ENOX2: variants seen among roughly 807,000 people sequenced by gnomAD.
ENOX2 encodes the protein ecto-NOX disulfide-thiol exchanger 2, also known as APK1 antigen.
ENOX2 carries 36 observed loss-of-function variants against 45.0 expected under a neutral mutation model. The observed-to-expected ratio is 0.80, with a 90% CI of 0.61 to 1.06. The LOEUF is 1.06. ENOX2 is among the 50% of genes least tolerant of loss of function. The probability of loss-of-function intolerance (pLI) is 0.00; values close to 1 mark genes in which losing one functional copy is unlikely to be tolerated. For synonymous variants in ENOX2, 174 were observed against 152.3 expected, an observed-to-expected ratio of 1.14 and a Z score of -1.05; for missense variants, 423 against 462.5, an observed-to-expected ratio of 0.91 and a Z score of 0.78.
At chrX:130,775,059 T>C (rs2039820863) in intron 3 of ENOX2, among the ~76,000 whole-genome samples, 1 of 112,213 alleles carries the variant, frequency 8.9e-6, no homozygotes, top group Non-Finnish European at 1.9e-5. Flanking sequence ...AAAACTTCTC[T>C]GGGCTTTCAC....
intron 2 of ENOX2, among the ~76,000 whole-genome samples, chrX:130,802,264 A>G: frequency 8.9e-6 from 1 of 112,287 alleles, no homozygotes; most frequent in Non-Finnish European, 1.9e-5. Context: ...CTAGCAAGCC[A>G]CATTATTTTT....
At chrX:130,650,929 G>C (rs185614750) in intron 10 of ENOX2, among the ~76,000 whole-genome samples, 2 of 112,004 alleles carry the variant, frequency 1.8e-5, no homozygotes, top group East Asian at 5.6e-4. Flanking sequence ...AAAAAAATTA[G>C]TAGAAGTAAA....
intron 2 of ENOX2, among the ~76,000 whole-genome samples, chrX:130,861,832 G>A (rs1436330035): frequency 9.0e-6 from 1 of 111,628 alleles, no homozygotes; most frequent in Non-Finnish European, 1.9e-5. Flanking sequence ...TGGGAGGACA[G>A]TTTTGGAGGT....
intron 3 of ENOX2, among the ~76,000 whole-genome samples, chrX:130,778,599 G>A (rs1268176365): frequency 8.9e-6 from 1 of 111,957 alleles, no homozygotes; most frequent in Non-Finnish European, 1.9e-5. Context: ...AACGCAATGA[G>A]TATGAGAATA....
At chrX:130,853,002 T>C (rs758068585) in intron 2 of ENOX2, among the ~76,000 whole-genome samples, 30 of 110,410 alleles carry the variant, frequency 2.7e-4, no homozygotes, top group Admixed American at 3.8e-4. Context: ...AAGACAAACA[T>C]AAGAACATTT....
intron 3 of ENOX2, among the ~76,000 whole-genome samples, chrX:130,781,608 T>C (rs1375453813): frequency 8.9e-6 from 1 of 111,958 alleles, no homozygotes; most frequent in Non-Finnish European, 1.9e-5. Flanking sequence ...TCACTTAACA[T>C]GAATACAATG....
chrX:130,799,254 G>T (rs1008040257), intron 2 of ENOX2, among the ~76,000 whole-genome samples: 2 of 111,685 alleles, frequency 1.8e-5, no homozygotes, highest in Non-Finnish European at 3.8e-5. Context: ...TCCTGTCCTT[G>T]AACATCAGAC....
chrX:130,727,621 G>A lies in ENOX2; in HGVS notation c.-38-24367C>T, dbSNP rs181298403. 2.9e-3 allele frequency among the ~76,000 whole-genome samples: 329 copies of A among 112,304 alleles called. 1 individual carries two copies. Among genetic ancestry groups the A allele is most frequent in the African/African-American group, 9.5e-3 (294 of 30,892 alleles). ...CAAATGTTTGTCCCCATCTCAAATG[G>A]TACAGTGAAGGTAGATGGAAGACAA... On this transcript the variant is annotated intron_variant, in intron 3 of 14. Transcript: ENST00000394363.
chrX:130,839,644 G>C (rs928225909), intron 2 of ENOX2, among the ~76,000 whole-genome samples: 13 of 110,956 alleles, frequency 1.2e-4, no homozygotes, highest in Non-Finnish European at 2.3e-4. Context: ...CAAGCTGAAG[G>C]GGAAAGTTCA....
chrX:130,683,172 AT>A (rs1301495617), intron 5 of ENOX2, among the ~76,000 whole-genome samples: 1 of 112,173 alleles, frequency 8.9e-6, no homozygotes, highest in African/African-American at 3.2e-5. Context: ...AATCTGAGTC[AT>A]TGCTGATCTT....
At chrX:130,767,649 G>C (rs936589025) in intron 3 of ENOX2, among the ~76,000 whole-genome samples, 3 of 111,873 alleles carry the variant, frequency 2.7e-5, no homozygotes, top group Non-Finnish European at 3.8e-5. Flanking sequence ...ACAAGAAATA[G>C]TAAGTGCTAT....
intron 2 of ENOX2, among the ~76,000 whole-genome samples, chrX:130,832,436 C>T (rs12391736): frequency 1.0e-4 from 8 of 78,865 alleles, no homozygotes; most frequent in African/African-American, 6.1e-4. Flanking sequence ...CACACACACA[C>T]ACATACACAC....
intron 2 of ENOX2, among the ~76,000 whole-genome samples, chrX:130,859,567 T>C (rs1285506575): frequency 1.8e-5 from 2 of 111,948 alleles, no homozygotes; most frequent in African/African-American, 6.5e-5. Context: ...GAGGGTATAC[T>C]TCAGGCACAA....
intron 3 of ENOX2, among the ~76,000 whole-genome samples, chrX:130,707,329 G>A (rs896586873): frequency 3.6e-5 from 4 of 111,654 alleles, no homozygotes; most frequent in Non-Finnish European, 7.5e-5. Flanking sequence ...TTGAAGATAT[G>A]GCACTTTGGA....
chrX:130,717,119 C>G (rs1235780168), intron 3 of ENOX2, among the ~76,000 whole-genome samples: 1 of 112,056 alleles, frequency 8.9e-6, no homozygotes, highest in Non-Finnish European at 1.9e-5. Flanking sequence ...GAAAATCAGG[C>G]TGGGAGTATT....
chrX:130,689,859 C>A (rs892048537), intron 4 of ENOX2, among the ~76,000 whole-genome samples: 1 of 111,571 alleles, frequency 9.0e-6, no homozygotes, highest in Non-Finnish European at 1.9e-5. Context: ...GGCCTATCTA[C>A]GTACATGGTT....
intron 2 of ENOX2, among the ~76,000 whole-genome samples, chrX:130,881,018 A>G (rs1245663125): frequency 8.9e-6 from 1 of 112,583 alleles, no homozygotes; most frequent in Non-Finnish European, 1.9e-5. Context: ...CTAGACCTGT[A>G]AGAGAATTAC....
intron 2 of ENOX2, among the ~76,000 whole-genome samples, chrX:130,814,151 A>G (rs763940765): frequency 4.9e-4 from 55 of 112,388 alleles, no homozygotes; most frequent in African/African-American, 1.7e-3. Flanking sequence ...GGTGGAGCCC[A>G]TGGCAGCTCA....
chrX:130,718,944 T>C (rs997384266), intron 3 of ENOX2, among the ~76,000 whole-genome samples: 6 of 111,915 alleles, frequency 5.4e-5, no homozygotes, highest in Non-Finnish European at 3.8e-5. Flanking sequence ...TCATTTCTCA[T>C]AGGACAGTGC....
Sources: gnomAD v4.1 joint callset for allele counts (sites outside exome capture counted in the v4.1 genomes callset) on GRCh38, gnomAD v4.1.1 for gene constraint, MANE v1.5 for transcripts, NCBI Gene and HGNC (gene_info 2026-07-23, HGNC 2026-07-21) for gene names.